The following NUBP1 variants were observed in gnomAD, a reference collection of about 807,000 sequenced individuals.
The protein encoded by NUBP1 is cytosolic Fe-S cluster assembly factor NUBP1.
A neutral mutation model predicts 41.8 loss-of-function variants in NUBP1; 46 were observed. The observed-to-expected ratio is 1.10, with a 90% confidence interval of 0.87 to 1.41. The LOEUF (loss-of-function observed/expected upper bound fraction) is 1.41. Ranked by LOEUF, NUBP1 falls within the 40% of genes most tolerant of loss-of-function variation. NUBP1 has a pLI of 0.00. For missense variants in NUBP1, 494 were observed against 414.0 expected (o/e 1.19, Z -1.68); for synonymous variants, 189 against 154.6 (o/e 1.22, Z -1.65).
chr16:10,762,932 T>A (rs1044215142), intron 9 of NUBP1, among the ~76,000 whole-genome samples: 2 of 149,684 alleles, frequency 1.3e-5, no homozygotes, highest in Non-Finnish European at 3.0e-5. Flanking sequence ...CGACTGTCAG[T>A]GTCATGTGCC....
Position 10,752,647 on chromosome 16 carries a change from T to G in NUBP1, c.296T>G (p.Ile99Ser). ...LLDIDICGPS[I>S]PKIMGLEGEQ... ...GACATCGATATATGTGGGCCATCGA[T>G]TCCCAAGATAATGGGATTGGAAGGA... Residue 99 changes from isoleucine to serine, a missense_variant, in exon 4 of 11, where the codon ATT (isoleucine) becomes AGT (serine). Ile to Ser is a moderately radical substitution (Grantham distance 142, BLOSUM62 -2). Transcript: ENST00000283027. 1 of 1,613,874 alleles carries G rather than the reference T, an allele frequency of 6.2e-7. No homozygotes were observed.
intron 7 of NUBP1, 101 bp from the exon 8 acceptor site, chr16:10,761,263 A>C: frequency 9.4e-7 from 1 of 1,067,034 alleles, no homozygotes; most frequent in Non-Finnish European, 1.4e-6. Context: ...CTAAGGCTTT[A>C]TGATCGCAGA....
chr16:10,756,089 G>A (rs545301549), intron 5 of NUBP1, among the ~76,000 whole-genome samples: 1 of 152,336 alleles, frequency 6.6e-6, no homozygotes, highest in East Asian at 1.9e-4. Context: ...GGTTAAGAGA[G>A]TTAAGGAGGC....
At position 10,767,718 on chromosome 16, in the gene NUBP1, G is replaced by C. The variant is rs2031107576; in HGVS notation, c.821-231G>C. ...AGTTCTCTGTAGGGCCCTGGAACCT[G>C]CATTTTCTGTACACCACCTGATTAT... is the stretch of plus-strand genomic sequence containing the variant. On this transcript the variant is annotated intron_variant, in intron 9 of 10. Transcript: ENST00000283027. This position sits in a 1 kb window ranked among gnomAD's most constrained non-coding sequence, Gnocchi z 4.6. 4 of 567,758 alleles carry C rather than the reference G, an allele frequency of 7.0e-6. No homozygotes were observed. In the South Asian group the frequency reaches 8.4e-5, roughly 12 times the overall value. The allele number at this position is 567,758 out of a possible 1,614,324, so 35.2% of individuals were successfully genotyped here. A position where few individuals can be genotyped will look rare whatever the true frequency, so the allele number is the denominator to read the frequency against.
chr16:10,756,621 C>A, intron 5 of NUBP1, 69 bp from the exon 6 acceptor site: 1 of 1,188,028 alleles, frequency 8.4e-7, no homozygotes, highest in Non-Finnish European at 1.2e-6. Flanking sequence ...AAACAGAAGA[C>A]CTGGGGGAGG....
In NUBP1 at chr16:10,767,455, T is replaced by C; in HGVS notation, c.821-494T>C. On this transcript the variant is annotated intron_variant, in intron 9 of 10. Transcript: ENST00000283027. This position sits in a 1 kb window ranked among gnomAD's most constrained non-coding sequence, Gnocchi z 4.6. ...GTGTCATGTGCTCCCATTCGTATTT[T>C]AGGTATATGAGAGTGTGTGTATGTG... is the stretch of plus-strand genomic sequence containing the variant. 2.5e-6 allele frequency: 1 copy of C among 397,676 alleles called. No homozygotes were observed. The highest frequency in any genetic ancestry group is 4.4e-6 in the Non-Finnish European group (1 of 226,422). 24.6% of individuals were successfully genotyped at this position (397,676 alleles called of 1,614,324 possible).
rs201160711 is a variant in NUBP1 at position 10,754,214 on chromosome 16, GTTTATTTTATTTTAT to G, written c.328-1484_328-1470del. Among the ~76,000 whole-genome samples, 9 of 146,084 alleles carry G rather than the reference GTTTATTTTATTTTAT, an allele frequency of 6.2e-5. No homozygotes were observed. The South Asian group carries it at 8.7e-4, about 14-fold the overall frequency. On this transcript the variant is annotated intron_variant, in intron 4 of 10. Coordinates refer to ENST00000283027, the MANE Select transcript of NUBP1 (RefSeq NM_002484.4). Reference sequence around the variant, plus strand: ...AAATAGGAATGAATGGTTTTGTGGGGTTTATTTTATTTTATTTTATTTTATTTTATTTTATTTATT... The same window carrying G: ...AAATAGGAATGAATGGTTTTGTGGGGTTTATTTTATTTTATTTTATTTATT...
chr16:10,744,100 A>C (rs1899945057), intron 2 of NUBP1, 35 bp downstream of exon 2: 1 of 1,220,430 alleles, frequency 8.2e-7, no homozygotes, highest in Non-Finnish European at 1.1e-6. Flanking sequence ...AGGAACTTAG[A>C]GGCGCAGGCC....
chr16:10,758,484 A>G (rs1900723806), intron 7 of NUBP1, among the ~76,000 whole-genome samples: 5 of 152,194 alleles, frequency 3.3e-5, no homozygotes, highest in Admixed American at 3.3e-4. Context: ...AAAGATAAAA[A>G]TAAGAAAAAC....
chr16:10,755,895 G>A, intron 5 of NUBP1, 142 bp downstream of exon 5: 1 of 736,694 alleles, frequency 1.4e-6, no homozygotes. Flanking sequence ...GTGATTGGCA[G>A]GCTTTTTCTG....
At chr16:10,754,567 A>C (rs1900469374) in intron 4 of NUBP1, among the ~76,000 whole-genome samples, 1 of 152,050 alleles carries the variant, frequency 6.6e-6, no homozygotes, top group Non-Finnish European at 1.5e-5. Flanking sequence ...AGAACTTCGA[A>C]GTCAGTCACA....
chr16:10,746,561 A>T (rs1900073340), intron 2 of NUBP1, among the ~76,000 whole-genome samples: 1 of 152,078 alleles, frequency 6.6e-6, no homozygotes, highest in Non-Finnish European at 1.5e-5. Flanking sequence ...GCCAACATAG[A>T]GAAACACCGT....
At chr16:10,756,591 G>A (rs1900572446) in intron 5 of NUBP1, 99 bp from the exon 6 acceptor site, 3 of 771,426 alleles carry the variant, frequency 3.9e-6, no homozygotes, top group African/African-American at 1.9e-5. Context: ...TCCTGAAAAT[G>A]TTTTTTTCAG....
intron 3 of NUBP1, among the ~76,000 whole-genome samples, chr16:10,750,257 T>C (rs1242438702): frequency 6.6e-6 from 1 of 152,190 alleles, no homozygotes; most frequent in Admixed American, 6.5e-5. Context: ...TTTTGTTTGT[T>C]TTTTTGAGAC....
rs754936367 is a variant in NUBP1 at position 10,761,386 on chromosome 16, G to A, written c.629G>A (p.Arg210Gln). Residue 210 changes from arginine to glutamine, a missense_variant, in exon 8 of 11, where the codon CGG becomes CAG. Arg to Gln is a conservative substitution (Grantham distance 43, BLOSUM62 1). Transcript: ENST00000283027. ...TPQEVSLQDV[R>Q]KEINFCRKVK... ...TAGGAGGTGTCACTCCAGGATGTCCGGAAAGAAATCAACTTCTGCCGCAAG... is the reference window on the plus strand; with the variant it reads ...TAGGAGGTGTCACTCCAGGATGTCCAGAAAGAAATCAACTTCTGCCGCAAG... 50 of 1,613,948 alleles carry A rather than the reference G, an allele frequency of 3.1e-5. No homozygotes were observed. The East Asian group carries it at 7.6e-4, about 24-fold the overall frequency.
chr16:10,752,585 C>A, intron 3 of NUBP1, 25 bp from the exon 4 acceptor site: 1 of 1,602,504 alleles, frequency 6.2e-7, no homozygotes, highest in South Asian at 1.1e-5. Flanking sequence ...GTTATATAAC[C>A]GCTTTGGTCT....
At chr16:10,763,269 A>G (rs966634461) in intron 9 of NUBP1, among the ~76,000 whole-genome samples, 12 of 151,944 alleles carry the variant, frequency 7.9e-5, no homozygotes, top group Admixed American at 2.6e-4. Context: ...GCCACAGGAC[A>G]TGGACAGGAT....
intron 7 of NUBP1, 46 bp downstream of exon 7, chr16:10,758,073 CTG>C (rs1900687033): frequency 2.5e-6 from 4 of 1,591,306 alleles, no homozygotes; most frequent in South Asian, 1.1e-5. Context: ...GTGCTCCACA[CTG>C]TGAGATTTCT....
intron 4 of NUBP1, among the ~76,000 whole-genome samples, chr16:10,754,792 C>T (rs1270648208): frequency 6.6e-6 from 1 of 151,938 alleles, no homozygotes; most frequent in African/African-American, 2.4e-5. Flanking sequence ...CACCTGCAAT[C>T]CCAACACTTT....
Sources: gnomAD v4.1 joint callset for allele counts (sites outside exome capture counted in the v4.1 genomes callset) on GRCh38, gnomAD v4.1.1 for gene constraint, Gnocchi (gnomAD v3.1) non-coding constraint, MANE v1.5 for transcripts, NCBI Gene and HGNC (gene_info 2026-07-23, HGNC 2026-07-21) for gene names.